SLC22A4: variants seen among roughly 807,000 people sequenced by gnomAD.
The protein encoded by SLC22A4 is solute carrier family 22 member 4.
SLC22A4 carries 39 observed loss-of-function variants against 56.6 expected under a neutral mutation model. That is an observed-to-expected ratio of 0.69 (90% CI 0.53 to 0.90). The LOEUF (loss-of-function observed/expected upper bound fraction) is 0.90, where lower values mean the gene tolerates loss of function less well. Ranked by LOEUF, SLC22A4 falls within the 40% of genes least tolerant of loss-of-function variation. The pLI, the probability that SLC22A4 is intolerant of heterozygous loss-of-function variation, is 0.00. For missense variants in SLC22A4, 594 were observed against 696.5 expected, an observed-to-expected ratio of 0.85 and a Z score of 1.66; for synonymous variants, 241 against 281.4, an observed-to-expected ratio of 0.86 and a Z score of 1.44.
At chr5:132,305,474 A>C (rs1269557494) in intron 1 of SLC22A4, among the ~76,000 whole-genome samples, 1 of 152,202 alleles carries the variant, frequency 6.6e-6, no homozygotes, top group Non-Finnish European at 1.5e-5. Context: ...AGAGATCCAC[A>C]CCCTGATATA....
chr5:132,324,473 G>A (rs1039934217), intron 4 of SLC22A4: 3 of 470,360 alleles, frequency 6.4e-6, no homozygotes, highest in Admixed American at 2.4e-5. Flanking sequence ...GCTGGTCCAT[G>A]AATGCTCCTG....
chr5:132,320,443 T>A (rs542133895), intron 3 of SLC22A4, among the ~76,000 whole-genome samples: 2 of 152,336 alleles, frequency 1.3e-5, no homozygotes, highest in South Asian at 4.1e-4. Context: ...AGGTCATTAA[T>A]GAGGTCAGAA....
chr5:132,312,324 T>C, intron 2 of SLC22A4, 60 bp downstream of exon 2: 3 of 1,050,878 alleles, frequency 2.9e-6, no homozygotes, highest in Non-Finnish European at 4.5e-6. Flanking sequence ...CTGCCTATCT[T>C]GGGGCTGGAC....
At chr5:132,338,572 C>T (rs779970917) in intron 8 of SLC22A4, among the ~76,000 whole-genome samples, 2 of 152,100 alleles carry the variant, frequency 1.3e-5, no homozygotes, top group East Asian at 1.9e-4. Context: ...CAGCTACAAC[C>T]GTAAAAGACA....
chr5:132,306,090 T>C (rs1750022114), intron 1 of SLC22A4, among the ~76,000 whole-genome samples: 1 of 152,002 alleles, frequency 6.6e-6, no homozygotes, highest in African/African-American at 2.4e-5. Context: ...CAAGTACTGG[T>C]AGGAATGTGG....
At chr5:132,330,708 A>G (rs1750833315) in intron 5 of SLC22A4, among the ~76,000 whole-genome samples, 1 of 152,198 alleles carries the variant, frequency 6.6e-6, no homozygotes, top group Non-Finnish European at 1.5e-5. Context: ...CCTGGGCAAC[A>G]AGAGTGAAAC....
Position 132,331,838 on chromosome 5 carries a change from C to T in SLC22A4, c.1034C>T (p.Ser345Phe). ...AATATTGCCATAATGACCATTATGT[C>T]TTTGCTGCTATGGTAAGTAATAAGT... is the stretch of plus-strand genomic sequence containing the variant. ...TRNIAIMTIM[S>F]LLLWMLTSVG... is the part of the protein sequence containing the mutation. Residue 345 changes from serine to phenylalanine, a missense_variant, in exon 6 of 10, where the codon TCT (serine) becomes TTT (phenylalanine). Ser to Phe is a radical substitution (Grantham distance 155). Coordinates refer to ENST00000200652, the MANE Select transcript of SLC22A4 (RefSeq NM_003059.3). The T allele has an allele frequency of 6.2e-7, 1 of 1,606,450 alleles. No homozygotes were observed. Among genetic ancestry groups the T allele is most frequent in the Non-Finnish European group, 8.5e-7 (1 of 1,173,038 alleles).
intron 6 of SLC22A4, among the ~76,000 whole-genome samples, chr5:132,334,507 C>G (rs1432733095): frequency 1.3e-5 from 2 of 152,176 alleles, no homozygotes; most frequent in East Asian, 3.8e-4. Context: ...TAGCCACTAG[C>G]TACACGTGGC....
chr5:132,340,063 GTTTTTTTT>G (rs4646203), intron 8 of SLC22A4, among the ~76,000 whole-genome samples: 3 of 94,864 alleles, frequency 3.2e-5, no homozygotes, highest in Non-Finnish European at 2.1e-5. Context: ...ATACTTAGTT[GTTTTTTTT>G]TTTTTTTTTT....
chr5:132,334,715 C>T lies in SLC22A4; in HGVS notation c.1047-3C>T, dbSNP rs1438841120. On this transcript the variant is annotated splice_polypyrimidine_tract_variant and splice_region_variant and intron_variant, in intron 6 of 9. Coordinates refer to ENST00000200652, the MANE Select transcript of SLC22A4 (RefSeq NM_003059.3). Reference sequence around the variant, plus strand: ...CTTTGTCATTTTTACCTTCTTCTTTCAGGATGCTGACCTCAGTGGGTTACT... The same window carrying T: ...CTTTGTCATTTTTACCTTCTTCTTTTAGGATGCTGACCTCAGTGGGTTACT... 3 of 1,607,082 alleles carry T rather than the reference C, an allele frequency of 1.9e-6. No homozygotes were observed. The highest frequency in any genetic ancestry group is 2.6e-6 in the Non-Finnish European group (3 of 1,173,542).
At chr5:132,342,316 T>C (rs962525406) in intron 9 of SLC22A4, among the ~76,000 whole-genome samples, 3 of 152,144 alleles carry the variant, frequency 2.0e-5, no homozygotes, top group African/African-American at 7.2e-5. Context: ...GAACAGACAG[T>C]TTACAGAAGA....
chr5:132,310,863 G>A (rs1750162764), intron 1 of SLC22A4, among the ~76,000 whole-genome samples: 1 of 152,196 alleles, frequency 6.6e-6, no homozygotes, highest in Admixed American at 6.5e-5. Context: ...GAGCTGAGCT[G>A]CTGGGATACG....
chr5:132,304,566 G>A (rs1346362784), intron 1 of SLC22A4, among the ~76,000 whole-genome samples: 1 of 152,110 alleles, frequency 6.6e-6, no homozygotes, highest in Admixed American at 6.5e-5. Flanking sequence ...GCAGTGAGCC[G>A]AGATCATGCC....
At chr5:132,316,666 T>C (rs999463936) in intron 3 of SLC22A4, among the ~76,000 whole-genome samples, 21 of 152,382 alleles carry the variant, frequency 1.4e-4, no homozygotes, top group Middle Eastern at 3.4e-3. Flanking sequence ...AAAGCTTTGC[T>C]TCCTCTGATG....
intron 4 of SLC22A4, chr5:132,324,427 T>C (rs1051731217): frequency 8.9e-6 from 4 of 448,946 alleles, no homozygotes; most frequent in African/African-American, 8.1e-5. Context: ...CTGCTCACTG[T>C]GCCCTAAGGA....
At chr5:132,310,873 G>C (rs951326156) in intron 1 of SLC22A4, among the ~76,000 whole-genome samples, 1 of 152,168 alleles carries the variant, frequency 6.6e-6, no homozygotes, top group Non-Finnish European at 1.5e-5. Context: ...GCTGGGATAC[G>C]CAGAGCCAGT....
At chr5:132,324,274 G>T (rs1443004232) in intron 4 of SLC22A4, among the ~76,000 whole-genome samples, 1 of 152,162 alleles carries the variant, frequency 6.6e-6, no homozygotes, top group African/African-American at 2.4e-5. Context: ...TAAAGCCTCT[G>T]ATGGGCTGTA....
intron 1 of SLC22A4, among the ~76,000 whole-genome samples, chr5:132,298,257 G>A (rs1359358603): frequency 1.3e-5 from 2 of 152,184 alleles, no homozygotes; most frequent in Non-Finnish European, 2.9e-5. Flanking sequence ...ACAGACAAAT[G>A]GATAAACATA....
chr5:132,295,491 G>A (rs1749760606), intron 1 of SLC22A4: 2 of 353,618 alleles, frequency 5.7e-6, no homozygotes, highest in Non-Finnish European at 1.1e-5. Flanking sequence ...GTGAGGTTTG[G>A]GGTCCTTTCC....
Sources: allele counts gnomAD v4.1 joint callset (sites outside exome capture counted in the v4.1 genomes callset), GRCh38; gene constraint gnomAD v4.1.1; transcripts MANE v1.5; gene names NCBI Gene and HGNC (gene_info 2026-07-23, HGNC 2026-07-21).